Variants in MTA3 observed in about 807,000 individuals in gnomAD.
MTA3 encodes metastasis-associated protein MTA3.
A neutral mutation model predicts 83.5 loss-of-function variants in MTA3; 34 were observed. That is an observed-to-expected ratio of 0.41 (90% CI 0.31 to 0.54). MTA3 has a LOEUF of 0.54. Ranked by LOEUF, MTA3 falls within the 20% of genes least tolerant of loss-of-function variation. The pLI, the probability that MTA3 is intolerant of heterozygous loss-of-function variation, is 0.33. For synonymous variants in MTA3, 303 were observed against 252.7 expected, an observed-to-expected ratio of 1.20 and a Z score of -1.89; for missense variants, 761 against 726.4, an observed-to-expected ratio of 1.05 and a Z score of -0.55.
intron 2 of MTA3, among the ~76,000 whole-genome samples, chr2:42,536,119 C>T (rs1329203192): frequency 1.8e-5 from 2 of 113,766 alleles, no homozygotes; most frequent in Non-Finnish European, 3.7e-5. Flanking sequence ...CTCTCTCTCT[C>T]AAAAAAAAAA....
intron 4 of MTA3, among the ~76,000 whole-genome samples, chr2:42,625,190 CCTGT>C (rs1373685856): frequency 6.6e-6 from 1 of 151,754 alleles, no homozygotes; most frequent in Non-Finnish European, 1.5e-5. Context: ...CGCCACCATG[CCTGT>C]CTAATTTTTG....
At chr2:42,626,386 T>C (rs1265728429) in intron 4 of MTA3, among the ~76,000 whole-genome samples, 1 of 151,500 alleles carries the variant, frequency 6.6e-6, no homozygotes, top group Non-Finnish European at 1.5e-5. Context: ...CAACCTCTGC[T>C]TCTTGGGCTC....
chr2:42,733,381 C>T (rs759145864), intron 16 of MTA3, among the ~76,000 whole-genome samples: 58 of 152,250 alleles, frequency 3.8e-4, no homozygotes, highest in Non-Finnish European at 7.9e-4. Flanking sequence ...AAAGACTGGC[C>T]GCCATGACTC....
chr2:42,624,995 A>T (rs1160298296), intron 4 of MTA3, among the ~76,000 whole-genome samples: 2 of 152,124 alleles, frequency 1.3e-5, no homozygotes, highest in Non-Finnish European at 2.9e-5. Flanking sequence ...AGGATATTTG[A>T]TACACCATTG....
chr2:42,704,637 A>G (rs146600415), intron 12 of MTA3, among the ~76,000 whole-genome samples: 16 of 152,306 alleles, frequency 1.1e-4, no homozygotes, highest in Admixed American at 3.3e-4. Context: ...TGTTCCCATG[A>G]TGCATACCAA....
At chr2:42,620,550 T>A (rs1485891879) in intron 4 of MTA3, among the ~76,000 whole-genome samples, 2 of 152,168 alleles carry the variant, frequency 1.3e-5, no homozygotes, top group Non-Finnish European at 2.9e-5. Context: ...TAGAGTACAG[T>A]GGTGTCATCA....
chr2:42,731,507 C>G (rs1159842798), intron 16 of MTA3, among the ~76,000 whole-genome samples: 1 of 152,130 alleles, frequency 6.6e-6, no homozygotes, highest in Admixed American at 6.6e-5. Context: ...AAAGCAGAAA[C>G]TTCTAATAAA....
chr2:42,548,415 G>A (rs1477696589), intron 2 of MTA3, among the ~76,000 whole-genome samples: 2 of 151,954 alleles, frequency 1.3e-5, no homozygotes, highest in African/African-American at 4.8e-5. Flanking sequence ...GCAGTGAGCC[G>A]AAATTGCTCC....
At chr2:42,527,550 G>C (rs913377228) in intron 2 of MTA3, among the ~76,000 whole-genome samples, 2 of 152,122 alleles carry the variant, frequency 1.3e-5, no homozygotes, top group Non-Finnish European at 2.9e-5. Flanking sequence ...TCTAGGGGTG[G>C]AGGGAGATGA....
At chr2:42,577,105 A>AAAAAAAATATATATATAT (rs1211189566) in intron 2 of MTA3, among the ~76,000 whole-genome samples, 7 of 86,948 alleles carry the variant, frequency 8.1e-5, no homozygotes, top group African/African-American at 3.8e-4. Flanking sequence ...AAAAAAAAAA[A>AAAAAAAATATATATATAT]ATATATATAT....
At chr2:42,543,640 G>A (rs1411522913) in intron 2 of MTA3, among the ~76,000 whole-genome samples, 2 of 146,976 alleles carry the variant, frequency 1.4e-5, no homozygotes, top group East Asian at 3.9e-4. Flanking sequence ...CACTTGGGAG[G>A]TTACTGATTT....
chr2:42,747,131 C>G (rs1482305042), intron 16 of MTA3, among the ~76,000 whole-genome samples: 1 of 152,032 alleles, frequency 6.6e-6, no homozygotes, highest in East Asian at 1.9e-4. Flanking sequence ...TCCCGAGTAG[C>G]TGGGACCACA....
At chr2:42,667,621 AAGAGAG>A (rs70963342) in intron 8 of MTA3, among the ~76,000 whole-genome samples, 61,700 of 114,692 alleles carry the variant, frequency 0.54, 14,011 homozygotes, top group South Asian at 0.65. Flanking sequence ...TAGAGAGAGA[AAGAGAG>A]AGAGAGAGAG....
At chr2:42,547,123 T>C (rs191324365) in intron 2 of MTA3, among the ~76,000 whole-genome samples, 1 of 152,128 alleles carries the variant, frequency 6.6e-6, no homozygotes, top group African/African-American at 2.4e-5. Context: ...ACAGATTTTG[T>C]AGGTCTAGGG....
intron 2 of MTA3, among the ~76,000 whole-genome samples, chr2:42,545,272 G>A (rs1283559861): frequency 6.6e-6 from 1 of 152,170 alleles, no homozygotes; most frequent in African/African-American, 2.4e-5. Flanking sequence ...CAGCTACTTG[G>A]GAGGCTGGGG....
At chr2:42,656,119 C>G in intron 6 of MTA3, 81 bp from the exon 7 acceptor site, 1 of 1,048,902 alleles carries the variant, frequency 9.5e-7, no homozygotes, top group Non-Finnish European at 1.5e-6. Context: ...ATTTCTAATG[C>G]TATGGTGACA....
At chr2:42,521,751 C>CTTTTTTT (rs35664371) in intron 2 of MTA3, among the ~76,000 whole-genome samples, 22 of 106,402 alleles carry the variant, frequency 2.1e-4, no homozygotes, top group South Asian at 6.9e-4. Context: ...ATCTTTCTCT[C>CTTTTTTT]TTTTTTTTTT....
intron 4 of MTA3, among the ~76,000 whole-genome samples, chr2:42,637,059 A>C (rs1475627242): frequency 2.0e-5 from 3 of 152,208 alleles, no homozygotes; most frequent in Admixed American, 2.0e-4. Context: ...TTCCAGGCTG[A>C]TCAGCGCCTG....
chr2:42,752,457 T>A (rs1245893343), intron 16 of MTA3: 1 of 354,258 alleles, frequency 2.8e-6, no homozygotes, highest in East Asian at 7.4e-5. Flanking sequence ...AACTTTCTAA[T>A]ACAACACGGT....
Sources: gnomAD v4.1 joint callset for allele counts (sites outside exome capture counted in the v4.1 genomes callset) on GRCh38, gnomAD v4.1.1 for gene constraint, MANE v1.5 for transcripts, NCBI Gene and HGNC (gene_info 2026-07-23, HGNC 2026-07-21) for gene names.